The following HDLBP variants were observed in gnomAD, a reference collection of about 807,000 sequenced individuals.
HDLBP encodes the protein vigilin.
HDLBP carries 30 observed loss-of-function variants against 137.3 expected under a neutral mutation model. The observed-to-expected ratio is 0.22, with a 90% CI of 0.16 to 0.30. HDLBP has a LOEUF of 0.30. HDLBP is among the 10% of genes least tolerant of loss of function. The pLI is 1.00. For missense variants in HDLBP, 1,119 were observed against 1,667.3 expected, an observed-to-expected ratio of 0.67 and a Z score of 5.73; for synonymous variants, 606 against 596.0, an observed-to-expected ratio of 1.02 and a Z score of -0.24.
chr2:241,271,413 C>T (rs963229303), intron 1 of HDLBP, among the ~76,000 whole-genome samples: 2 of 152,202 alleles, frequency 1.3e-5, no homozygotes, highest in African/African-American at 2.4e-5. Flanking sequence ...CGCCCTAATA[C>T]GTGTAGAGCA....
chr2:241,258,562 G>A (rs150900617), intron 5 of HDLBP, among the ~76,000 whole-genome samples: 145 of 152,066 alleles, frequency 9.5e-4, no homozygotes, highest in Middle Eastern at 6.8e-3. Context: ...CTCGAAAGCC[G>A]TATGGAAAAA....
intron 2 of HDLBP, among the ~76,000 whole-genome samples, chr2:241,268,185 A>C (rs983961202): frequency 6.6e-6 from 1 of 152,238 alleles, no homozygotes; most frequent in Non-Finnish European, 1.5e-5. Context: ...CTGCAATCCT[A>C]AAGAGAAGCA....
rs79357903 is a variant in HDLBP at position 241,265,816 on chromosome 2, G to A, written c.76+978C>T. Among the ~76,000 whole-genome samples the A allele has an allele frequency of 1.2e-3, 177 of 152,184 alleles. 2 individuals carry two copies. In the East Asian group the frequency reaches 0.024, roughly 20 times the overall value. ...CAGGTGGAAGCATTCTTTCAGTGCC[G>A]TCTTCCCTCTCTAGAAAGGGAAACA... On this transcript the variant is annotated intron_variant, in intron 3 of 27. Coordinates refer to ENST00000310931, the MANE Select transcript of HDLBP (RefSeq NM_005336.6).
Position 241,240,186 on chromosome 2 carries a change from A to G in HDLBP, c.2170-64T>C, listed in dbSNP as rs1559488482. On this transcript the variant is annotated intron_variant, in intron 17 of 27. Transcript: ENST00000310931. This position sits in a 1 kb window ranked among gnomAD's most constrained non-coding sequence, Gnocchi z 5.5. ...GTGCCTGGACCACAGTGAGGAAGAC[A>G]AGAGGGTCTGTAGGACAGCAAGCTC... is the stretch of plus-strand genomic sequence containing the variant. The G allele has an allele frequency of 6.6e-6, 10 of 1,516,090 alleles. No individual in the cohort carries two copies. The highest frequency in any genetic ancestry group is 7.3e-6 in the Non-Finnish European group (8 of 1,090,854). The allele number at this position is 1,516,090 out of a possible 1,614,324, so 93.9% of individuals were successfully genotyped here.
At position 241,240,969 on chromosome 2, in the gene HDLBP, C is replaced by T. The variant is rs558518818; in HGVS notation, c.2170-847G>A. On this transcript the variant is annotated intron_variant, in intron 17 of 27. Coordinates refer to ENST00000310931, the MANE Select transcript of HDLBP (RefSeq NM_005336.6). The surrounding 1 kb of genome is among the most constrained non-coding windows in gnomAD (Gnocchi z 5.5). ...AAAATATTAAATAACAACTTTGCTA[C>T]CTTTTAAGTGCAGGTTTCACCAAAT... 6.6e-6 allele frequency among the ~76,000 whole-genome samples: 1 copy of T among 152,276 alleles called. No individual in the cohort carries two copies. Among genetic ancestry groups the T allele is most frequent in the South Asian group, 2.1e-4 (1 of 4,826 alleles).
Position 241,239,728 on chromosome 2 carries a change from T to G in HDLBP, c.2484A>C (p.Glu828Asp). The change falls in exon 19 of 28, where the codon GAA becomes GAC. Residue 828 changes from glutamate to aspartate, a missense_variant. Physicochemically the swap from Glu to Asp is conservative, Grantham distance 45. Around this residue, in one of 4 missense-constraint regions of HDLBP, gnomAD observed 618 missense variants for 816.7 expected, o/e 0.76. Coordinates refer to ENST00000310931, the MANE Select transcript of HDLBP (RefSeq NM_005336.6). The surrounding 1 kb of genome is among the most constrained non-coding windows in gnomAD (Gnocchi z 4.6). ...RRGQVLREIA[E>D]EYGGVMVSFP... ...AGCTGACCATCACCCCGCCATACTC[T>G]TCAGCAATCTCCCGCAAGACCTGGC... 1 of 1,614,212 alleles carries G rather than the reference T, an allele frequency of 6.2e-7. No homozygotes were observed. Among genetic ancestry groups the G allele is most frequent in the Non-Finnish European group, 8.5e-7 (1 of 1,180,048 alleles).
rs2075725943 is a variant in HDLBP at position 241,310,463 on chromosome 2, T to C, written c.-103+5107A>G. On this transcript the variant is annotated intron_variant, in intron 1 of 27. Coordinates refer to ENST00000310931, the MANE Select transcript of HDLBP (RefSeq NM_005336.6). ...TTAAAGTATTTGAAGTGATGAATTA[T>C]GTTAACTTGATTTTATTATTTATTG... Among the ~76,000 whole-genome samples, 3 of 152,258 alleles carry C rather than the reference T, an allele frequency of 2.0e-5. No individual in the cohort carries two copies. In the South Asian group the frequency reaches 6.2e-4, roughly 31 times the overall value.
chr2:241,265,519 C>T (rs1031900546), intron 3 of HDLBP, among the ~76,000 whole-genome samples: 2 of 152,232 alleles, frequency 1.3e-5, no homozygotes, highest in Admixed American at 6.5e-5. Flanking sequence ...CCCTGATTAT[C>T]ATCACTTCCA....
chr2:241,248,698 C>G (rs1055755981), intron 12 of HDLBP, among the ~76,000 whole-genome samples: 1 of 152,094 alleles, frequency 6.6e-6, no homozygotes, highest in Non-Finnish European at 1.5e-5. Context: ...TTAACAGGTA[C>G]TACAGGGGAG....
intron 1 of HDLBP, among the ~76,000 whole-genome samples, chr2:241,305,449 AC>A (rs759306815): frequency 2.6e-5 from 4 of 152,256 alleles, no homozygotes; most frequent in Middle Eastern, 3.4e-3. Context: ...AACCAAAAAA[AC>A]GGGGCCTGTG....
At chr2:241,289,824 T>A (rs1181330577) in intron 1 of HDLBP, among the ~76,000 whole-genome samples, 1 of 151,940 alleles carries the variant, frequency 6.6e-6, no homozygotes, top group African/African-American at 2.4e-5. Context: ...CAAGAAGACA[T>A]TAGGCATCAA....
At chr2:241,284,137 G>A (rs576792792) in intron 1 of HDLBP, among the ~76,000 whole-genome samples, 1 of 152,166 alleles carries the variant, frequency 6.6e-6, no homozygotes, top group Admixed American at 6.5e-5. Context: ...TTTCATGCCT[G>A]CTAACAGCCA....
chr2:241,247,525 G>C (rs2071775658), intron 14 of HDLBP: 1 of 284,264 alleles, frequency 3.5e-6, no homozygotes, highest in Non-Finnish European at 6.7e-6. Context: ...GCCTCTCCCA[G>C]GGCAGCCATC....
At chr2:241,277,559 T>G (rs2074434567) in intron 1 of HDLBP, among the ~76,000 whole-genome samples, 2 of 152,078 alleles carry the variant, frequency 1.3e-5, no homozygotes, top group South Asian at 2.1e-4. Context: ...TGTCAAAAAC[T>G]CGAAAACAGA....
chr2:241,236,459 G>A, intron 21 of HDLBP, 156 bp downstream of exon 21: 1 of 738,160 alleles, frequency 1.4e-6, no homozygotes, highest in Non-Finnish European at 2.3e-6. Flanking sequence ...GTCCAGCCGA[G>A]AAGCACAGCC....
chr2:241,261,652 T>C (rs551591714), intron 5 of HDLBP, among the ~76,000 whole-genome samples: 1 of 152,336 alleles, frequency 6.6e-6, no homozygotes, highest in Admixed American at 6.5e-5. Context: ...CAGAGCCTAT[T>C]ATGCACTGGC....
At chr2:241,283,494 A>C (rs1467910326) in intron 1 of HDLBP, among the ~76,000 whole-genome samples, 2 of 147,366 alleles carry the variant, frequency 1.4e-5, no homozygotes, top group Non-Finnish European at 3.0e-5. Context: ...TTTTTTCTTG[A>C]GACAGAGTCT....
chr2:241,247,873 G>C, intron 14 of HDLBP, 130 bp downstream of exon 14: 1 of 643,462 alleles, frequency 1.6e-6, no homozygotes, highest in Admixed American at 2.9e-5. Context: ...TCCCTGAGAT[G>C]GAAGGCCAGC....
intron 1 of HDLBP, among the ~76,000 whole-genome samples, chr2:241,314,796 G>C (rs1045978788): frequency 6.6e-6 from 1 of 152,198 alleles, no homozygotes; most frequent in Non-Finnish European, 1.5e-5. Context: ...TGTCAGAAAG[G>C]CTCAGGTTCC....
Sources: allele counts gnomAD v4.1 joint callset (sites outside exome capture counted in the v4.1 genomes callset), GRCh38; gene constraint gnomAD v4.1.1; regional missense constraint gnomAD v4.1.1; non-coding constraint Gnocchi (gnomAD v3.1); transcripts MANE v1.5; gene names NCBI Gene and HGNC (gene_info 2026-07-23, HGNC 2026-07-21).